The following NRXN3 variants were observed in gnomAD, a reference collection of about 807,000 sequenced individuals.
NRXN3 encodes neurexin III.
A neutral mutation model predicts 137.6 loss-of-function variants in NRXN3; 32 were observed. That is an observed-to-expected ratio of 0.23 (90% CI 0.18 to 0.31). The LOEUF is 0.31. NRXN3 is among the 10% of genes least tolerant of loss of function. The pLI is 1.00. For synonymous variants in NRXN3, 798 were observed against 784.5 expected (o/e 1.02, Z -0.29); for missense variants, 1,574 against 2,062.5 (o/e 0.76, Z 4.59).
chr14:79,582,706 C>T (rs541185635), intron 16 of NRXN3, among the ~76,000 whole-genome samples: 2 of 151,990 alleles, frequency 1.3e-5, no homozygotes, highest in African/African-American at 4.8e-5. Flanking sequence ...TGCATGAGTC[C>T]CCACTGGATT....
intron 15 of NRXN3, among the ~76,000 whole-genome samples, chr14:79,252,715 A>C (rs1415454337): frequency 1.3e-5 from 2 of 152,194 alleles, no homozygotes; most frequent in Non-Finnish European, 2.9e-5. Flanking sequence ...GACCTTTCCA[A>C]AGTGATGACA....
At chr14:79,431,035 A>G (rs2095744963) in intron 15 of NRXN3, among the ~76,000 whole-genome samples, 1 of 152,176 alleles carries the variant, frequency 6.6e-6, no homozygotes. Context: ...TGAGTACTAT[A>G]CATCGGGGCC....
chr14:79,652,982 CGAA>C (rs2098484391), intron 16 of NRXN3, among the ~76,000 whole-genome samples: 4 of 151,786 alleles, frequency 2.6e-5, no homozygotes, highest in Admixed American at 2.6e-4. Context: ...TGATAGTTGA[CGAA>C]GAAGAGAACC....
chr14:79,597,722 T>C lies in NRXN3; in HGVS notation c.3445-66056T>C, dbSNP rs151157095. On this transcript the variant is annotated intron_variant, in intron 16 of 20. Transcript: ENST00000335750. The stretch of plus-strand genomic sequence containing the variant: ...AACTTGTTGAAAGTGGAGGTCAGCG[T>C]GATCCTTTTTCTTAGAAGACATAGC... 1.6e-3 allele frequency among the ~76,000 whole-genome samples: 250 copies of C among 152,298 alleles called. 7 individuals are homozygous for C. The East Asian group carries it at 0.04, about 25-fold the overall frequency.
intron 19 of NRXN3, among the ~76,000 whole-genome samples, chr14:79,702,339 AGGGTTT>A: frequency 6.6e-6 from 1 of 152,156 alleles, no homozygotes; most frequent in Non-Finnish European, 1.5e-5. Context: ...ATAGGGCAAG[AGGGTTT>A]GACATGAGCT....
intron 15 of NRXN3, among the ~76,000 whole-genome samples, chr14:79,002,587 A>G (rs1184089245): frequency 2.0e-5 from 3 of 151,906 alleles, no homozygotes; most frequent in Admixed American, 2.0e-4. Context: ...CGTGGTGTAT[A>G]TGTATCACAT....
At chr14:78,825,823 A>G (rs1034348345) in intron 10 of NRXN3, among the ~76,000 whole-genome samples, 4 of 152,214 alleles carry the variant, frequency 2.6e-5, no homozygotes, top group African/African-American at 4.8e-5. Flanking sequence ...TTAGCATCTC[A>G]TGTAAAATAA....
chr14:78,849,876 A>G (rs2099037917), intron 10 of NRXN3, among the ~76,000 whole-genome samples: 1 of 152,146 alleles, frequency 6.6e-6, no homozygotes, highest in Admixed American at 6.6e-5. Flanking sequence ...AATTTACCCC[A>G]TCTAATTATT....
intron 15 of NRXN3, among the ~76,000 whole-genome samples, chr14:79,304,753 A>G (rs1000947113): frequency 2.6e-5 from 4 of 152,084 alleles, no homozygotes; most frequent in African/African-American, 9.7e-5. Context: ...AAGGCCACTT[A>G]TGAGGCCTAA....
intron 15 of NRXN3, among the ~76,000 whole-genome samples, chr14:79,339,136 G>A (rs1471171003): frequency 6.6e-6 from 1 of 151,434 alleles, no homozygotes; most frequent in Non-Finnish European, 1.5e-5. Context: ...GCAGTGCAAT[G>A]GAGCAAGGTT....
chr14:79,287,194 G>T (rs1284343949), intron 15 of NRXN3, among the ~76,000 whole-genome samples: 2 of 152,124 alleles, frequency 1.3e-5, no homozygotes, highest in Non-Finnish European at 2.9e-5. Flanking sequence ...AGTAAATGTA[G>T]ATGAGAAACA....
At chr14:79,638,428 G>A (rs1344155764) in intron 16 of NRXN3, among the ~76,000 whole-genome samples, 1 of 152,128 alleles carries the variant, frequency 6.6e-6, no homozygotes, top group Non-Finnish European at 1.5e-5. Context: ...AACTGACAGA[G>A]TGACGTATGA....
Position 79,233,666 on chromosome 14 carries a change from C to CTGTGTG in NRXN3, c.3263-233529_3263-233524dup, listed in dbSNP as rs143246182. ...AGACATTTTTACTCTAGTATAACTG[C>CTGTGTG]TGTGTGTGTGTGTGTGTGTGTGTGT... is the stretch of plus-strand genomic sequence containing the variant. On this transcript the variant is annotated intron_variant, in intron 15 of 20. Coordinates refer to ENST00000335750, the MANE Select transcript of NRXN3 (RefSeq NM_001330195.2). 1.7e-3 allele frequency among the ~76,000 whole-genome samples: 250 copies of CTGTGTG among 145,070 alleles called. 2 individuals are homozygous for CTGTGTG. Among genetic ancestry groups the CTGTGTG allele is most frequent in the African/African-American group, 5.4e-3 (215 of 39,806 alleles).
At chr14:79,737,723 TTTC>T (rs916487927) in intron 19 of NRXN3, among the ~76,000 whole-genome samples, 1 of 69,252 alleles carries the variant, frequency 1.4e-5, no homozygotes, top group Non-Finnish European at 3.7e-5. Context: ...CATTCTTTTC[TTTC>T]TTTCTTTTTT....
intron 10 of NRXN3, among the ~76,000 whole-genome samples, chr14:78,914,308 G>T (rs1433968036): frequency 6.6e-6 from 1 of 152,110 alleles, no homozygotes; most frequent in Non-Finnish European, 1.5e-5. Flanking sequence ...GTATAACTAT[G>T]AACAAAAGAA....
intron 15 of NRXN3, among the ~76,000 whole-genome samples, chr14:79,427,974 A>C (rs1343577738): frequency 2.0e-5 from 3 of 152,078 alleles, no homozygotes; most frequent in East Asian, 3.9e-4. Flanking sequence ...TCCCATTCCC[A>C]CGTTCTGCAC....
intron 15 of NRXN3, among the ~76,000 whole-genome samples, chr14:79,035,389 A>G (rs11850213): frequency 0.035 from 5,268 of 152,186 alleles, 294 homozygotes; most frequent in African/African-American, 0.12. Flanking sequence ...ATTATATAAA[A>G]CGTGCCATAT....
At chr14:78,208,416 TG>T (rs1174443901) in intron 1 of NRXN3, among the ~76,000 whole-genome samples, 2 of 152,208 alleles carry the variant, frequency 1.3e-5, no homozygotes, top group African/African-American at 4.8e-5. Context: ...TGTTTCCTTT[TG>T]TCCCTGGATT....
In NRXN3 at chr14:78,939,470, C is replaced by A. The variant is rs75116475; in HGVS notation, c.2276-17772C>A. Among the ~76,000 whole-genome samples, 1,064 of 152,280 alleles carry A rather than the reference C, an allele frequency of 7.0e-3. 5 individuals carry two copies. Among genetic ancestry groups the A allele is most frequent in the Admixed American group, 0.011 (162 of 15,296 alleles). On this transcript the variant is annotated intron_variant, in intron 10 of 20. Transcript: ENST00000335750. ...CTCTCTGCCATATTAGTCTTCCCTG[C>A]TGATGAAGTAGTTACAAGAACCAGA...
Sources: allele counts gnomAD v4.1 joint callset (sites outside exome capture counted in the v4.1 genomes callset), GRCh38; gene constraint gnomAD v4.1.1; transcripts MANE v1.5; gene names NCBI Gene and HGNC (gene_info 2026-07-23, HGNC 2026-07-21).